Variants in LPP observed in about 807,000 individuals in gnomAD.
LPP encodes the protein LIM domain containing preferred translocation partner in lipoma.
Under a neutral mutation model 60.4 loss-of-function variants are expected in LPP, and 38 were observed. That is an observed-to-expected ratio of 0.63 (90% CI 0.49 to 0.83). The LOEUF is 0.83. Among genes scored for constraint, LPP ranks in the 40% least tolerant of loss-of-function variants. The probability of loss-of-function intolerance (pLI) is 0.00; values close to 1 mark genes in which losing one functional copy is unlikely to be tolerated. For synonymous variants in LPP, 328 were observed against 290.8 expected (o/e 1.13, Z -1.30); for missense variants, 902 against 783.6 (o/e 1.15, Z -1.80).
chr3:188,524,611 T>C lies in LPP; in HGVS notation c.307-54T>C, dbSNP rs113681433. 3.1e-5 allele frequency: 48 copies of C among 1,551,088 alleles called. No homozygotes were observed. The African/African-American group carries it at 3.9e-4, about 13-fold the overall frequency. On this transcript the variant is annotated intron_variant, in intron 5 of 11. Coordinates refer to ENST00000617246, the MANE Select transcript of LPP (RefSeq NM_001375462.1). Reference sequence around the variant, plus strand: ...TTATAACTTGAGAAATTTGAACTTATAATGATATCAAGGGAAATTTCCTTT... The same window carrying C: ...TTATAACTTGAGAAATTTGAACTTACAATGATATCAAGGGAAATTTCCTTT...
At chr3:188,364,764 T>C (rs1770612027) in intron 3 of LPP, among the ~76,000 whole-genome samples, 1 of 152,242 alleles carries the variant, frequency 6.6e-6, no homozygotes, top group Non-Finnish European at 1.5e-5. Flanking sequence ...TGTTTCCTGC[T>C]GCCCTCTGGC....
At chr3:188,472,001 A>G (rs182073736) in intron 4 of LPP, among the ~76,000 whole-genome samples, 1 of 152,134 alleles carries the variant, frequency 6.6e-6, no homozygotes, top group Non-Finnish European at 1.5e-5. Flanking sequence ...CTTGGAGCCT[A>G]ATGTTCCTGT....
chr3:188,223,798 T>C (rs780819798), intron 1 of LPP, among the ~76,000 whole-genome samples: 2 of 152,168 alleles, frequency 1.3e-5, no homozygotes, highest in Non-Finnish European at 2.9e-5. Flanking sequence ...CCTTTTTCGT[T>C]TGTTTTATGA....
At chr3:188,779,424 G>T (rs565190931) in intron 9 of LPP, among the ~76,000 whole-genome samples, 1 of 152,236 alleles carries the variant, frequency 6.6e-6, no homozygotes, top group East Asian at 1.9e-4. Context: ...AATAGCACAC[G>T]CAAGGACCCT....
intron 4 of LPP, among the ~76,000 whole-genome samples, chr3:188,446,879 A>T (rs1469593922): frequency 6.6e-6 from 1 of 152,176 alleles, no homozygotes; most frequent in African/African-American, 2.4e-5. Context: ...TGTGGATTCT[A>T]TTATAGAACT....
At chr3:188,420,938 C>T (rs1560381431) in intron 4 of LPP, among the ~76,000 whole-genome samples, 1 of 152,092 alleles carries the variant, frequency 6.6e-6, no homozygotes, top group Non-Finnish European at 1.5e-5. Flanking sequence ...AATATTTGCA[C>T]ATGTTGCCTG....
At chr3:188,558,342 T>G (rs1560562441) in intron 6 of LPP, among the ~76,000 whole-genome samples, 1 of 152,118 alleles carries the variant, frequency 6.6e-6, no homozygotes, top group Non-Finnish European at 1.5e-5. Context: ...ATCATCTACC[T>G]GCAATGCCAT....
At chr3:188,222,659 C>T (rs1179419240) in intron 1 of LPP, among the ~76,000 whole-genome samples, 8 of 151,882 alleles carry the variant, frequency 5.3e-5, no homozygotes, top group African/African-American at 7.3e-5. Flanking sequence ...TTCTCTGTCT[C>T]TGGGGGCAGC....
At chr3:188,457,998 A>G (rs1798150628) in intron 4 of LPP, among the ~76,000 whole-genome samples, 1 of 152,182 alleles carries the variant, frequency 6.6e-6, no homozygotes, top group African/African-American at 2.4e-5. Context: ...TTGGTATTAA[A>G]CTATGAGCTG....
chr3:188,455,407 G>A (rs1035734375), intron 4 of LPP, among the ~76,000 whole-genome samples: 2 of 152,224 alleles, frequency 1.3e-5, no homozygotes, highest in East Asian at 1.9e-4. Flanking sequence ...AGCTGAAGCC[G>A]AGGTTTTACA....
At chr3:188,241,745 T>C (rs1724942631) in intron 2 of LPP, among the ~76,000 whole-genome samples, 2 of 152,260 alleles carry the variant, frequency 1.3e-5, no homozygotes, top group Admixed American at 6.5e-5. Flanking sequence ...TTGTTATAAC[T>C]ACTACTATAT....
At chr3:188,690,598 A>G (rs1401188100) in intron 7 of LPP, among the ~76,000 whole-genome samples, 4 of 152,216 alleles carry the variant, frequency 2.6e-5, no homozygotes, top group African/African-American at 7.2e-5. Flanking sequence ...AGGATGATAA[A>G]TAGCTGTGTA....
intron 9 of LPP, among the ~76,000 whole-genome samples, chr3:188,832,744 C>G (rs1170205844): frequency 6.6e-6 from 1 of 152,188 alleles, no homozygotes; most frequent in Non-Finnish European, 1.5e-5. Context: ...TTTCACAGGG[C>G]AACCATGTGT....
At chr3:188,522,784 AAT>A (rs61033243) in intron 5 of LPP, among the ~76,000 whole-genome samples, 2,728 of 125,202 alleles carry the variant, frequency 0.022, 34 homozygotes, top group South Asian at 0.048. Context: ...GATAATATGA[AAT>A]ATATATATAT....
intron 3 of LPP, among the ~76,000 whole-genome samples, chr3:188,366,812 A>T (rs1172905321): frequency 6.6e-6 from 1 of 152,188 alleles, no homozygotes; most frequent in Non-Finnish European, 1.5e-5. Flanking sequence ...GCAGGCTTTC[A>T]GTTAGACAGG....
chr3:188,395,448 C>G (rs1002566458), intron 3 of LPP, among the ~76,000 whole-genome samples: 6 of 151,836 alleles, frequency 4.0e-5, no homozygotes, highest in African/African-American at 1.5e-4. Context: ...GTTGCGCAGG[C>G]TGATCTCGAA....
At chr3:188,437,868 A>G (rs1289392379) in intron 4 of LPP, among the ~76,000 whole-genome samples, 1 of 152,232 alleles carries the variant, frequency 6.6e-6, no homozygotes, top group Admixed American at 6.5e-5. Flanking sequence ...ACTAGCTTCT[A>G]TGAATTGGTA....
chr3:188,623,039 A>T (rs1210858259), intron 7 of LPP, among the ~76,000 whole-genome samples: 2 of 123,526 alleles, frequency 1.6e-5, no homozygotes, highest in Non-Finnish European at 3.4e-5. Context: ...AAAAAAAAAA[A>T]AAAAAAAAGA....
At chr3:188,331,169 G>A (rs576290078) in intron 2 of LPP, among the ~76,000 whole-genome samples, 3 of 152,272 alleles carry the variant, frequency 2.0e-5, no homozygotes, top group South Asian at 2.1e-4. Context: ...GGAGCCCCAT[G>A]GATATGTTGA....
Sources: allele counts gnomAD v4.1 joint callset (sites outside exome capture counted in the v4.1 genomes callset), GRCh38; gene constraint gnomAD v4.1.1; transcripts MANE v1.5; gene names NCBI Gene and HGNC (gene_info 2026-07-23, HGNC 2026-07-21).